Variants in DNAH5 observed in about 807,000 individuals in gnomAD.
The protein encoded by DNAH5 is dynein axonemal heavy chain 5, also known as axonemal beta dynein heavy chain 5.
A neutral mutation model predicts 518.2 loss-of-function variants in DNAH5; 372 were observed. The observed-to-expected ratio is 0.72, with a 90% confidence interval of 0.66 to 0.78. DNAH5 has a LOEUF of 0.78. DNAH5 is among the 30% of genes least tolerant of loss of function. The probability of loss-of-function intolerance (pLI) is 0.00; values close to 1 mark genes in which losing one functional copy is unlikely to be tolerated. For missense variants in DNAH5, 5,523 were observed against 5,687.0 expected (o/e 0.97, Z 0.93); for synonymous variants, 2,039 against 2,025.9 (o/e 1.01, Z -0.17).
At chr5:13,969,787 G>A (rs941985378) in intron 1 of DNAH5, among the ~76,000 whole-genome samples, 5 of 152,130 alleles carry the variant, frequency 3.3e-5, no homozygotes, top group Non-Finnish European at 1.5e-5. Context: ...ATCTGTAGTT[G>A]TTGGGTAGAA....
chr5:13,965,755 T>C (rs1441469664), intron 1 of DNAH5, among the ~76,000 whole-genome samples: 2 of 152,246 alleles, frequency 1.3e-5, no homozygotes, highest in African/African-American at 4.8e-5. Context: ...GATTTTTACA[T>C]ATTCAAAATC....
intron 1 of DNAH5, among the ~76,000 whole-genome samples, chr5:14,008,737 C>T (rs979253080): frequency 6.6e-6 from 1 of 152,212 alleles, no homozygotes; most frequent in Non-Finnish European, 1.5e-5. Context: ...TCCCCAGAAC[C>T]TTTCCACAGT....
intron 52 of DNAH5, among the ~76,000 whole-genome samples, chr5:13,785,751 T>C (rs1755884297): frequency 6.6e-6 from 1 of 152,182 alleles, no homozygotes; most frequent in South Asian, 2.1e-4. Flanking sequence ...TTTATATGAG[T>C]AGAATTATAC....
rs1426493293 is a variant in DNAH5, at chr5:13,786,058, T to C, written c.8820+121A>G. 1.1e-5 allele frequency: 11 copies of C among 963,358 alleles called. No individual in the cohort carries two copies. The East Asian group carries it at 1.8e-4, about 15-fold the overall frequency. 59.7% of individuals were successfully genotyped at this position (963,358 alleles called of 1,614,324 possible). A position where few individuals can be genotyped will look rare whatever the true frequency, so the allele number is the denominator to read the frequency against. On this transcript the variant is annotated intron_variant, in intron 52 of 78. Transcript: ENST00000265104. ...TTAGAAATTAAATTGGAATATAGCA[T>C]GGAGTCTAATTTTAAACTGAAGATT...
At position 13,735,896 on chromosome 5, in the gene DNAH5, G is replaced by A; in HGVS notation, c.11492C>T (p.Thr3831Ile). ...TRGSILYFLI[T>I]EMRLVNEMYQ... ...CATCTCATTAACCAAGCGCATCTCA[G>A]TAATGAGGAAGTAGAGGATGCTGCC... Residue 3831 changes from threonine (T) to isoleucine (I), a missense_variant, in exon 67 of 79, where the codon ACT becomes ATT. Around this residue, in one of 3 missense-constraint regions of DNAH5, gnomAD observed 5,121 missense variants for 5,223.3 expected, o/e 0.98. Coordinates refer to ENST00000265104, the MANE Select transcript of DNAH5 (RefSeq NM_001369.3). 6.2e-7 allele frequency: 1 copy of A among 1,614,126 alleles called. No homozygotes were observed. The highest frequency in any genetic ancestry group is 8.5e-7 in the Non-Finnish European group (1 of 1,179,988).
At chr5:13,915,998 G>A (rs2151984671) in intron 9 of DNAH5, among the ~76,000 whole-genome samples, 1 of 152,086 alleles carries the variant, frequency 6.6e-6, no homozygotes, top group East Asian at 1.9e-4. Flanking sequence ...ATATGAAACA[G>A]GAGATAGCCA....
chr5:13,890,034 G>A (rs2166350), intron 17 of DNAH5, among the ~76,000 whole-genome samples: 2,594 of 152,280 alleles, frequency 0.017, 30 homozygotes, highest in Non-Finnish European at 0.028. Context: ...ATGGAGCACT[G>A]CTCCCAGGAG....
chr5:13,766,329 C>T, intron 58 of DNAH5, 150 bp from the exon 59 acceptor site: 1 of 770,096 alleles, frequency 1.3e-6, no homozygotes, highest in Non-Finnish European at 2.2e-6. Context: ...TATTTAATCC[C>T]AAAGAAACAC....
rs1039773306 is a variant in DNAH5 at position 13,810,407 on chromosome 5, A to G, written c.7408-147T>C. ...AAGGATGAATACAACTGGAGAACAAATGAAGAACTGATCTCTGAGAATAGC... is the reference window on the plus strand; with the variant it reads ...AAGGATGAATACAACTGGAGAACAAGTGAAGAACTGATCTCTGAGAATAGC... On this transcript the variant is annotated intron_variant, in intron 44 of 78. Coordinates refer to ENST00000265104, the MANE Select transcript of DNAH5 (RefSeq NM_001369.3). 3 of 758,622 alleles carry G rather than the reference A, an allele frequency of 4.0e-6. No individual in the cohort carries two copies. The East Asian group carries it at 8.1e-5, about 20-fold the overall frequency. The allele number at this position is 758,622 out of a possible 1,614,324, so 47.0% of individuals were successfully genotyped here.
chr5:13,909,323 A>C (rs1273431593), intron 12 of DNAH5, among the ~76,000 whole-genome samples: 1 of 152,170 alleles, frequency 6.6e-6, no homozygotes, highest in African/African-American at 2.4e-5. Flanking sequence ...ATAAAATAGT[A>C]CAATTTTTAA....
chr5:13,983,875 C>T (rs1285714305), intron 1 of DNAH5, among the ~76,000 whole-genome samples: 2 of 152,338 alleles, frequency 1.3e-5, no homozygotes, highest in Admixed American at 1.3e-4. Flanking sequence ...GACGCAAGCG[C>T]TGGAACCACA....
At chr5:13,817,523 A>C in intron 42 of DNAH5, 25 bp downstream of exon 42, 2 of 1,611,306 alleles carry the variant, frequency 1.2e-6, no homozygotes, top group Non-Finnish European at 1.7e-6. Flanking sequence ...ATAATCAAAA[A>C]TAATCCTTGT....
intron 3 of DNAH5, among the ~76,000 whole-genome samples, chr5:13,926,847 G>C (rs367663611): frequency 1.3e-5 from 2 of 152,296 alleles, no homozygotes; most frequent in East Asian, 1.9e-4. Context: ...TTGAGCTTAT[G>C]TTTTGCAATC....
At chr5:13,700,366 T>C (rs936142358) in intron 78 of DNAH5, among the ~76,000 whole-genome samples, 2 of 152,232 alleles carry the variant, frequency 1.3e-5, no homozygotes, top group African/African-American at 4.8e-5. Context: ...AACATTTCTT[T>C]CTTATCTCAT....
chr5:13,744,448 GATTAT>G (rs1225984190), intron 65 of DNAH5, among the ~76,000 whole-genome samples: 1 of 151,868 alleles, frequency 6.6e-6, no homozygotes, highest in Non-Finnish European at 1.5e-5. Context: ...TGTACTTAAT[GATTAT>G]ATTATATAAT....
At chr5:13,810,512 G>C (rs927140109) in intron 44 of DNAH5, 4 of 480,586 alleles carry the variant, frequency 8.3e-6, no homozygotes, top group South Asian at 5.3e-5. Context: ...AGGCCGAGGC[G>C]GGCGGATCAT....
In DNAH5 at chr5:13,882,906, T is replaced by G; in HGVS notation, c.3172A>C (p.Lys1058Gln). The change falls in exon 20 of 79, where the codon AAG becomes CAG. Residue 1058 changes from lysine (K) to glutamine (Q), a missense_variant and splice_region_variant. Lys to Gln is a moderately conservative substitution (Grantham distance 53). This residue lies in a region of DNAH5 where 5,121 missense variants were observed against 5,223.3 expected (regional missense o/e 0.98). Transcript: ENST00000265104. ...VRQWSSELLS[K>Q]KKIQERKMAA... is the part of the protein sequence containing the mutation. ...CCATTTCTGCACCCCATACCCACCTTGGACAACAGTTCACTGCTCCACTGT... is the reference window on the plus strand; with the variant it reads ...CCATTTCTGCACCCCATACCCACCTGGGACAACAGTTCACTGCTCCACTGT... 2 of 1,614,166 alleles carry G rather than the reference T, an allele frequency of 1.2e-6. No homozygotes were observed. Among genetic ancestry groups the G allele is most frequent in the Non-Finnish European group, 1.7e-6 (2 of 1,180,018 alleles).
intron 52 of DNAH5, among the ~76,000 whole-genome samples, chr5:13,785,277 A>G (rs1395442752): frequency 6.6e-6 from 1 of 151,634 alleles, no homozygotes; most frequent in African/African-American, 2.4e-5. Context: ...ATGCCACTGG[A>G]GGCAGAACTT....
chr5:13,927,539 A>C (rs60726660), intron 3 of DNAH5, among the ~76,000 whole-genome samples: 2 of 151,320 alleles, frequency 1.3e-5, no homozygotes, highest in African/African-American at 2.5e-5. Context: ...ACAACAACAA[A>C]AAAAAGATTT....
Sources: gnomAD v4.1 joint callset for allele counts (sites outside exome capture counted in the v4.1 genomes callset) on GRCh38, gnomAD v4.1.1 for gene constraint, gnomAD v4.1.1 regional missense constraint, MANE v1.5 for transcripts, NCBI Gene and HGNC (gene_info 2026-07-23, HGNC 2026-07-21) for gene names.